Variants in PTPN3 observed in about 807,000 individuals in gnomAD.
PTPN3 encodes the protein tyrosine-protein phosphatase non-receptor type 3.
Under a neutral mutation model 132.7 loss-of-function variants are expected in PTPN3, and 96 were observed. The observed-to-expected ratio is 0.72, with a 90% CI of 0.61 to 0.86. PTPN3 has a LOEUF of 0.86. PTPN3 is among the 40% of genes least tolerant of loss of function. The pLI, the probability that PTPN3 is intolerant of heterozygous loss-of-function variation, is 0.00. For synonymous variants in PTPN3, 398 were observed against 429.0 expected, an observed-to-expected ratio of 0.93 and a Z score of 0.89; for missense variants, 1,125 against 1,159.6, an observed-to-expected ratio of 0.97 and a Z score of 0.43.
At chr9:109,495,774 A>G (rs1246355069) in intron 1 of PTPN3, among the ~76,000 whole-genome samples, 1 of 152,230 alleles carries the variant, frequency 6.6e-6, no homozygotes. Flanking sequence ...CTACCAGAGT[A>G]TCTTCTGTAT....
Position 109,427,101 on chromosome 9 carries a change from C to A in PTPN3, c.850G>T (p.Val284Leu). The change falls in exon 12 of 26, where the codon GTG (valine) becomes TTG (leucine). Residue 284 changes from valine (V) to leucine (L), a missense_variant. Coordinates refer to ENST00000374541, the MANE Select transcript of PTPN3 (RefSeq NM_002829.4). ...QKQAESREHI[V>L]AFNMLNYRSC... is the part of the protein sequence containing the mutation. ...CGGTAATTCAGCATGTTGAAGGCCACAATATGTTCCCTGGATTCAGCCTGG... is the reference window on the plus strand; with the variant it reads ...CGGTAATTCAGCATGTTGAAGGCCAAAATATGTTCCCTGGATTCAGCCTGG... 6.2e-7 allele frequency: 1 copy of A among 1,614,108 alleles called. No individual in the cohort carries two copies. The highest frequency in any genetic ancestry group is 8.5e-7 in the Non-Finnish European group (1 of 1,179,996).
chr9:109,437,282 G>C (rs889755902), intron 8 of PTPN3, among the ~76,000 whole-genome samples: 4 of 152,206 alleles, frequency 2.6e-5, no homozygotes, highest in Admixed American at 1.3e-4. Flanking sequence ...TTGCTAATTA[G>C]TAGGGAATCT....
chr9:109,416,321 A>T (rs1842480827), intron 14 of PTPN3, among the ~76,000 whole-genome samples: 1 of 152,188 alleles, frequency 6.6e-6, no homozygotes, highest in Non-Finnish European at 1.5e-5. Flanking sequence ...GCTGCACTGT[A>T]GGGGACTCTC....
At chr9:109,510,481 C>T in the PTPN3 span, among the ~76,000 whole-genome samples, 3 of 149,838 alleles carry the variant, frequency 2.0e-5, no homozygotes, top group Admixed American at 6.7e-5. Flanking sequence ...TCCCTTGAAC[C>T]CCGGAGGCAG....
intron 19 of PTPN3, among the ~76,000 whole-genome samples, chr9:109,394,656 A>C (rs1840414793): frequency 6.6e-6 from 1 of 152,204 alleles, no homozygotes; most frequent in Admixed American, 6.5e-5. Flanking sequence ...TATAACTTGT[A>C]AATTTATACA....
At chr9:109,475,842 C>T (rs1318178395) in intron 1 of PTPN3, among the ~76,000 whole-genome samples, 1 of 152,190 alleles carries the variant, frequency 6.6e-6, no homozygotes, top group Non-Finnish European at 1.5e-5. Flanking sequence ...ACCATCCTGC[C>T]AGCCTCTGTT....
rs115662073 is a variant in PTPN3, at chr9:109,398,862, T to C, written c.1953+5586A>G. Among the ~76,000 whole-genome samples, 1,096 of 152,278 alleles carry C rather than the reference T, an allele frequency of 7.2e-3. 12 individuals are homozygous for C. Among genetic ancestry groups the C allele is most frequent in the African/African-American group, 0.025 (1,036 of 41,554 alleles). ...AATGGACACTTCAACTCAGGGAACA[T>C]GTAGATTAATCTCCAAGTTTTTCTT... On this transcript the variant is annotated intron_variant, in intron 19 of 25. Transcript: ENST00000374541.
intron 19 of PTPN3, among the ~76,000 whole-genome samples, chr9:109,395,215 A>G (rs892842735): frequency 2.6e-5 from 4 of 152,090 alleles, no homozygotes; most frequent in Non-Finnish European, 5.9e-5. Context: ...TACTTTGGTT[A>G]TTTCTGAATT....
the PTPN3 span, among the ~76,000 whole-genome samples, chr9:109,537,247 C>A: frequency 6.6e-6 from 1 of 152,092 alleles, no homozygotes; most frequent in South Asian, 2.1e-4. Context: ...AAGAAAAAAA[C>A]CAAAGTCTTT....
chr9:109,491,438 G>A (rs1024256413), intron 1 of PTPN3, among the ~76,000 whole-genome samples: 2 of 152,024 alleles, frequency 1.3e-5, no homozygotes, highest in Admixed American at 1.3e-4. Flanking sequence ...GAATCTGGGT[G>A]AAGAATTTAT....
intron 1 of PTPN3, among the ~76,000 whole-genome samples, chr9:109,476,294 T>C (rs902599254): frequency 4.6e-4 from 70 of 151,356 alleles, no homozygotes; most frequent in African/African-American, 1.6e-3. Flanking sequence ...CATGCCAAAA[T>C]GCAAATCAGG....
At chr9:109,429,776 A>C (rs915176342) in intron 10 of PTPN3, among the ~76,000 whole-genome samples, 1 of 152,208 alleles carries the variant, frequency 6.6e-6, no homozygotes, top group Non-Finnish European at 1.5e-5. Context: ...ACTATCATTC[A>C]TTTATGCAAA....
At chr9:109,485,108 A>G (rs1185627121) in intron 1 of PTPN3, among the ~76,000 whole-genome samples, 2 of 152,168 alleles carry the variant, frequency 1.3e-5, no homozygotes, top group South Asian at 2.1e-4. Context: ...GTGCATCTGT[A>G]ATCCCAGCTA....
intron 1 of PTPN3, among the ~76,000 whole-genome samples, chr9:109,466,195 G>A (rs909384540): frequency 2.0e-5 from 3 of 152,112 alleles, no homozygotes; most frequent in South Asian, 2.1e-4. Context: ...GTAAATGTCC[G>A]AATGAATGGA....
intron 2 of PTPN3, among the ~76,000 whole-genome samples, chr9:109,458,692 C>T (rs1027818520): frequency 1.6e-4 from 24 of 152,258 alleles, no homozygotes; most frequent in Non-Finnish European, 3.1e-4. Flanking sequence ...AGCGCTTGTA[C>T]CTCCTGCTCC....
chr9:109,473,437 G>A (rs1333087333), intron 1 of PTPN3, among the ~76,000 whole-genome samples: 1 of 152,074 alleles, frequency 6.6e-6, no homozygotes, highest in Admixed American at 6.5e-5. Flanking sequence ...TTATAGGTTC[G>A]ACACCATGAC....
chr9:109,531,522 G>T, the PTPN3 span, among the ~76,000 whole-genome samples: 8 of 152,146 alleles, frequency 5.3e-5, no homozygotes, highest in Admixed American at 3.3e-4. Context: ...TATTAGCTGG[G>T]GGGTCTTGGG....
chr9:109,422,622 T>A, intron 13 of PTPN3, 96 bp downstream of exon 13: 1 of 1,372,780 alleles, frequency 7.3e-7, no homozygotes, highest in South Asian at 1.5e-5. Flanking sequence ...TTGTAGGTCA[T>A]CTATCTTTAG....
intron 10 of PTPN3, among the ~76,000 whole-genome samples, chr9:109,429,673 G>A (rs149291580): frequency 1.1e-4 from 17 of 152,314 alleles, no homozygotes; most frequent in East Asian, 1.9e-4. Flanking sequence ...TCAAATACAC[G>A]AGTTTTGCGG....
Sources: gnomAD v4.1 joint callset for allele counts (sites outside exome capture counted in the v4.1 genomes callset) on GRCh38, gnomAD v4.1.1 for gene constraint, MANE v1.5 for transcripts, NCBI Gene and HGNC (gene_info 2026-07-23, HGNC 2026-07-21) for gene names.